The following PCDHA9 variants were observed in gnomAD, a reference collection of about 807,000 sequenced individuals.
PCDHA9 encodes the protein protocadherin alpha 9.
A neutral mutation model predicts 62.0 loss-of-function variants in PCDHA9; 62 were observed. The observed-to-expected ratio is 1.00, with a 90% CI of 0.81 to 1.23. The LOEUF is 1.23. PCDHA9 is among the 50% of genes most tolerant of loss of function. PCDHA9 has a pLI of 0.00. For missense variants in PCDHA9, 1,205 were observed against 1,249.8 expected, an observed-to-expected ratio of 0.96 and a Z score of 0.54; for synonymous variants, 557 against 567.6, an observed-to-expected ratio of 0.98 and a Z score of 0.27.
At chr5:140,928,109 A>C (rs1472439079) in intron 1 of PCDHA9, 1 of 1,613,986 alleles carries the variant, frequency 6.2e-7, no homozygotes, top group African/African-American at 1.3e-5. Context: ...CTGGACCGGG[A>C]GCAGATCAGT....
At chr5:141,000,361 GTCTCTCTC>G (rs148596731) in intron 3 of PCDHA9, among the ~76,000 whole-genome samples, 2,007 of 26,308 alleles carry the variant, frequency 0.076, 129 homozygotes, top group East Asian at 0.15. Context: ...GTCTCTCTCT[GTCTCTCTC>G]TCTCTCTCTC....
At position 140,883,407 on chromosome 5, in the gene PCDHA9, G is replaced by C. The variant is rs2059598150; in HGVS notation, c.2394+32518G>C. On this transcript the variant is annotated intron_variant, in intron 1 of 3. Coordinates refer to ENST00000532602, the MANE Select transcript of PCDHA9 (RefSeq NM_031857.2). The stretch of plus-strand genomic sequence containing the variant: ...ATCAGTGTGTCCGATCGTGACTCTG[G>C]CTCAAATGGACAGGTCACCTGCACC... The C allele has an allele frequency of 1.9e-6, 3 of 1,614,170 alleles. No homozygotes were observed. In the East Asian group the frequency reaches 6.7e-5, roughly 36 times the overall value.
intron 1 of PCDHA9, chr5:140,870,875 C>A (rs1235290760): frequency 6.2e-7 from 1 of 1,613,912 alleles, no homozygotes; most frequent in Non-Finnish European, 8.5e-7. Flanking sequence ...CACGTGGTGG[C>A]GAAGGTGCGC....
intron 1 of PCDHA9, among the ~76,000 whole-genome samples, chr5:140,972,862 T>C (rs781936892): frequency 2.0e-5 from 3 of 151,966 alleles, no homozygotes; most frequent in Non-Finnish European, 4.4e-5. Context: ...TGGGGTTTCA[T>C]CATGTTGTCC....
Position 141,010,190 on chromosome 5 carries a change from C to G in PCDHA9, c.*253C>G. On this transcript the variant is annotated 3_prime_UTR_variant, in exon 4 of 4. Transcript: ENST00000532602. ...GAACCTAAAAAGCAGACCCAAGTTT[C>G]CTTTCTCCTCCGCCGCAAAGGAGAG... 1 of 1,552,504 alleles carries G rather than the reference C, an allele frequency of 6.4e-7. No individual in the cohort carries two copies. Among genetic ancestry groups the G allele is most frequent in the East Asian group, 2.4e-5 (1 of 40,930 alleles).
intron 1 of PCDHA9, among the ~76,000 whole-genome samples, chr5:140,903,182 G>A (rs1030121963): frequency 1.3e-5 from 2 of 152,164 alleles, no homozygotes; most frequent in Non-Finnish European, 2.9e-5. Flanking sequence ...CCCACCAATA[G>A]TATAAAAGAG....
intron 1 of PCDHA9, among the ~76,000 whole-genome samples, chr5:140,894,550 T>C (rs943231588): frequency 3.3e-5 from 5 of 151,996 alleles, no homozygotes; most frequent in Non-Finnish European, 5.9e-5. Context: ...TAGTGTTTAC[T>C]TCTGAAAAAA....
intron 1 of PCDHA9, among the ~76,000 whole-genome samples, chr5:140,925,464 A>G (rs1181531744): frequency 6.6e-6 from 1 of 152,114 alleles, no homozygotes; most frequent in Non-Finnish European, 1.5e-5. Flanking sequence ...GTTGTGGCTC[A>G]GAGATGTTTC....
In PCDHA9 at chr5:140,928,350, T is replaced by C. The variant is rs144619371; in HGVS notation, c.2395-50599T>C. The C allele has an allele frequency of 1.3e-5, 21 of 1,614,098 alleles. No homozygotes were observed. The African/African-American group carries it at 2.1e-4, about 16-fold the overall frequency. On this transcript the variant is annotated intron_variant, in intron 1 of 3. Coordinates refer to ENST00000532602, the MANE Select transcript of PCDHA9 (RefSeq NM_031857.2). ...GCCTTGTCTCTTATGAGCTGTTGGA[T>C]GTTATCTCTGAAGGGCCATCAGCCT...
Position 140,850,606 on chromosome 5 carries a change from T to G in PCDHA9, c.2111T>G (p.Ile704Ser), listed in dbSNP as rs2150490821. 3.8e-6 allele frequency: 6 copies of G among 1,598,534 alleles called. No individual in the cohort carries two copies. Among genetic ancestry groups the G allele is most frequent in the Non-Finnish European group, 5.1e-6 (6 of 1,167,894 alleles). ...GTCAACGTGTACCTGATCATCGCCA[T>G]CTGCGCGGTGTCTAGCCTGTTGGTT... The part of the protein sequence containing the change: ...VDVNVYLIIA[I>S]CAVSSLLVLT... Residue 704 changes from isoleucine to serine, a missense_variant, in exon 1 of 4, where the codon ATC becomes AGC. This residue lies in a region of PCDHA9 where 887 missense variants were observed against 809.5 expected (regional missense o/e 1.10). Transcript: ENST00000532602.
At chr5:141,002,583 C>T (rs781898349) in intron 3 of PCDHA9, among the ~76,000 whole-genome samples, 6 of 152,176 alleles carry the variant, frequency 3.9e-5, no homozygotes, top group Non-Finnish European at 7.3e-5. Context: ...GACCATTAGT[C>T]CTTAGTCCCC....
chr5:140,945,887 A>G (rs1291923718), intron 1 of PCDHA9, among the ~76,000 whole-genome samples: 2 of 152,132 alleles, frequency 1.3e-5, no homozygotes, highest in Admixed American at 1.3e-4. Flanking sequence ...AACAAAGAAA[A>G]CACAGTGGGA....
chr5:140,952,832 G>A (rs560488815), intron 1 of PCDHA9, among the ~76,000 whole-genome samples: 1 of 152,226 alleles, frequency 6.6e-6, no homozygotes, highest in African/African-American at 2.4e-5. Context: ...GCATGATGCT[G>A]GCCATCTGCT....
intron 1 of PCDHA9, among the ~76,000 whole-genome samples, chr5:140,923,795 A>C (rs1282849925): frequency 6.6e-6 from 1 of 152,360 alleles, no homozygotes; most frequent in African/African-American, 2.4e-5. Context: ...CATTCTTTTC[A>C]CAAATGAAAT....
chr5:140,993,408 A>G (rs985721464), intron 3 of PCDHA9, among the ~76,000 whole-genome samples: 1 of 150,930 alleles, frequency 6.6e-6, no homozygotes, highest in African/African-American at 2.4e-5. Flanking sequence ...AACCACCTTC[A>G]TCAGCATTTC....
chr5:140,870,793 C>T, intron 1 of PCDHA9: 2 of 1,613,678 alleles, frequency 1.2e-6, no homozygotes, highest in Non-Finnish European at 1.7e-6. Context: ...CGCGCCGGCA[C>T]TGCTGGCGAC....
intron 2 of PCDHA9, among the ~76,000 whole-genome samples, chr5:140,982,084 A>G (rs2096965344): frequency 6.6e-6 from 1 of 152,266 alleles, no homozygotes; most frequent in East Asian, 1.9e-4. Flanking sequence ...TAGAGAACCT[A>G]GGAACAAGAG....
chr5:140,853,985 G>A (rs1007400515), intron 1 of PCDHA9: 2 of 520,646 alleles, frequency 3.8e-6, no homozygotes, highest in East Asian at 1.4e-4. Context: ...CCAATGTAGT[G>A]AGACTCATCT....
intron 1 of PCDHA9, chr5:140,881,522 A>G: frequency 5.1e-6 from 1 of 196,850 alleles, no homozygotes; most frequent in South Asian, 1.8e-4. Context: ...AAAATCCCAC[A>G]CATATTGACT....
Sources: allele counts gnomAD v4.1 joint callset (sites outside exome capture counted in the v4.1 genomes callset), GRCh38; gene constraint gnomAD v4.1.1; regional missense constraint gnomAD v4.1.1; transcripts MANE v1.5; gene names NCBI Gene and HGNC (gene_info 2026-07-23, HGNC 2026-07-21).